The following PCLO variants were observed in gnomAD, a reference collection of about 807,000 sequenced individuals.
PCLO encodes piccolo presynaptic cytomatrix protein.
PCLO carries 82 observed loss-of-function variants against 427.5 expected under a neutral mutation model. The observed-to-expected ratio is 0.19, with a 90% CI of 0.16 to 0.23. The LOEUF (loss-of-function observed/expected upper bound fraction) is 0.23, where lower values mean the gene tolerates loss of function less well. PCLO is among the 10% of genes least tolerant of loss of function. The pLI is 1.00. For missense variants in PCLO, 6,239 were observed against 6,115.9 expected (o/e 1.02, Z -0.67); for synonymous variants, 2,357 against 2,155.4 (o/e 1.09, Z -2.59).
intron 22 of PCLO, among the ~76,000 whole-genome samples, chr7:82,796,066 A>G (rs1791217010): frequency 6.6e-6 from 1 of 152,172 alleles, no homozygotes; most frequent in Non-Finnish European, 1.5e-5. Context: ...GCAATTGACA[A>G]TGCTTTGATG....
rs141943065 is a variant in PCLO, at chr7:82,995,475, G to C, written c.3301-28988C>G. ...TGGTGTAAGAAAGTGCTGGATTGTG[G>C]TTTGTCATGAAGTGGCTGGAATATG... On this transcript the variant is annotated intron_variant, in intron 3 of 24. Transcript: ENST00000333891. 9.2e-3 allele frequency among the ~76,000 whole-genome samples: 1,398 copies of C among 152,070 alleles called. 31 individuals carry two copies. Among genetic ancestry groups the C allele is most frequent in the African/African-American group, 0.031 (1,267 of 41,500 alleles).
intron 10 of PCLO, among the ~76,000 whole-genome samples, chr7:82,872,881 CAT>C (rs1398469373): frequency 6.6e-6 from 1 of 152,074 alleles, no homozygotes; most frequent in African/African-American, 2.4e-5. Context: ...GGCACAAAGA[CAT>C]GTGTGGCAAG....
At chr7:83,031,541 C>A (rs534506920) in intron 3 of PCLO, among the ~76,000 whole-genome samples, 2 of 151,822 alleles carry the variant, frequency 1.3e-5, no homozygotes, top group East Asian at 3.9e-4. Context: ...ATGTTACACA[C>A]AAAAAAGGGA....
chr7:82,983,306 T>C (rs1184668808), intron 3 of PCLO, among the ~76,000 whole-genome samples: 2 of 151,304 alleles, frequency 1.3e-5, no homozygotes, highest in South Asian at 2.1e-4. Flanking sequence ...TAGCACTCTA[T>C]CCAGTTTTGA....
intron 3 of PCLO, among the ~76,000 whole-genome samples, chr7:83,120,943 T>C (rs1260551159): frequency 6.6e-6 from 1 of 152,126 alleles, no homozygotes; most frequent in Non-Finnish European, 1.5e-5. Flanking sequence ...ATACAGAATA[T>C]TGTAACACTG....
chr7:82,881,464 T>C (rs1209577057), intron 9 of PCLO, among the ~76,000 whole-genome samples: 1 of 152,186 alleles, frequency 6.6e-6, no homozygotes, highest in Admixed American at 6.6e-5. Context: ...AATTTTGTAA[T>C]GTATAGTCTC....
intron 3 of PCLO, among the ~76,000 whole-genome samples, chr7:83,015,848 C>A (rs926935596): frequency 3.3e-5 from 5 of 152,098 alleles, no homozygotes; most frequent in Admixed American, 3.3e-4. Context: ...AGAATGTTAT[C>A]TTTTAATTCT....
intron 3 of PCLO, among the ~76,000 whole-genome samples, chr7:83,081,413 CA>C (rs1169169532): frequency 2.0e-5 from 3 of 151,772 alleles, no homozygotes; most frequent in Non-Finnish European, 3.0e-5. Flanking sequence ...GGTTAGACTC[CA>C]AATACCTTCA....
chr7:83,112,541 T>C (rs889280844), intron 3 of PCLO, among the ~76,000 whole-genome samples: 2 of 152,164 alleles, frequency 1.3e-5, no homozygotes, highest in African/African-American at 4.8e-5. Flanking sequence ...AGCTGACAAA[T>C]GAAGCCATTT....
intron 13 of PCLO, among the ~76,000 whole-genome samples, chr7:82,844,638 A>G (rs1204780425): frequency 6.6e-6 from 1 of 152,272 alleles, no homozygotes; most frequent in Admixed American, 6.5e-5. Context: ...TTTCTTAAGA[A>G]TCAAATCTAT....
intron 22 of PCLO, among the ~76,000 whole-genome samples, chr7:82,770,822 T>G (rs912441381): frequency 6.6e-6 from 1 of 151,898 alleles, no homozygotes; most frequent in African/African-American, 2.4e-5. Flanking sequence ...GCTACTCGAT[T>G]TTTTTAAAAA....
intron 20 of PCLO, among the ~76,000 whole-genome samples, chr7:82,818,134 C>T (rs1250943986): frequency 6.6e-6 from 1 of 152,068 alleles, no homozygotes; most frequent in Non-Finnish European, 1.5e-5. Context: ...TTTTTAACTA[C>T]GGAGAGTTGT....
At chr7:82,876,276 GA>G (rs925510075) in intron 10 of PCLO, among the ~76,000 whole-genome samples, 6 of 150,776 alleles carry the variant, frequency 4.0e-5, no homozygotes, top group African/African-American at 9.7e-5. Flanking sequence ...TTTTTAATTG[GA>G]AAAAAAACCT....
At chr7:82,995,055 T>C (rs1459826123) in intron 3 of PCLO, among the ~76,000 whole-genome samples, 4 of 151,892 alleles carry the variant, frequency 2.6e-5, no homozygotes, top group African/African-American at 9.7e-5. Context: ...GATGCTGAGG[T>C]AATTGAATAT....
chr7:82,984,818 A>C (rs1796223379), intron 3 of PCLO, among the ~76,000 whole-genome samples: 1 of 151,912 alleles, frequency 6.6e-6, no homozygotes, highest in African/African-American at 2.4e-5. Context: ...TGAGCTAGGA[A>C]CCTAGTTATT....
At chr7:82,787,144 T>C (rs1791001809) in intron 22 of PCLO, among the ~76,000 whole-genome samples, 1 of 152,132 alleles carries the variant, frequency 6.6e-6, no homozygotes, top group Admixed American at 6.5e-5. Flanking sequence ...TAGTTCTAGA[T>C]CCTTGAGGAA....
intron 3 of PCLO, among the ~76,000 whole-genome samples, chr7:83,117,331 CT>C (rs1156307376): frequency 1.3e-5 from 2 of 152,158 alleles, no homozygotes; most frequent in Non-Finnish European, 2.9e-5. Flanking sequence ...AGTTAACTGG[CT>C]GAAATTTGCC....
At chr7:83,030,316 T>C (rs1160682641) in intron 3 of PCLO, among the ~76,000 whole-genome samples, 1 of 152,156 alleles carries the variant, frequency 6.6e-6, no homozygotes, top group African/African-American at 2.4e-5. Flanking sequence ...CTACAGGGGA[T>C]ATCCCTTCGA....
chr7:82,909,080 T>C (rs1185106268), intron 7 of PCLO, 67 bp from the exon 8 acceptor site: 3 of 1,510,222 alleles, frequency 2.0e-6, no homozygotes, highest in East Asian at 2.3e-5. Flanking sequence ...GGGAAGCAGA[T>C]GTTCTGTAGT....
Sources: allele counts gnomAD v4.1 joint callset (sites outside exome capture counted in the v4.1 genomes callset), GRCh38; gene constraint gnomAD v4.1.1; transcripts MANE v1.5; gene names NCBI Gene and HGNC (gene_info 2026-07-23, HGNC 2026-07-21).